FAM107A: variants seen among roughly 807,000 people sequenced by gnomAD.
FAM107A encodes actin-associated protein FAM107A.
FAM107A carries 19 observed loss-of-function variants against 13.7 expected under a neutral mutation model. That is an observed-to-expected ratio of 1.38 (90% confidence interval 0.97 to 2.03). The LOEUF (loss-of-function observed/expected upper bound fraction) is 2.03, where lower values mean the gene tolerates loss of function less well. Among genes scored for constraint, FAM107A ranks in the 30% most tolerant of loss-of-function variants. The pLI, the probability that FAM107A is intolerant of heterozygous loss-of-function variation, is 0.00. For missense variants in FAM107A, 203 were observed against 184.4 expected, an observed-to-expected ratio of 1.10 and a Z score of -0.58; for synonymous variants, 82 against 74.5, an observed-to-expected ratio of 1.10 and a Z score of -0.52.
intron 1 of FAM107A, among the ~76,000 whole-genome samples, chr3:58,610,129 G>A (rs111572668): frequency 2.6e-5 from 4 of 152,282 alleles, no homozygotes; most frequent in African/African-American, 9.6e-5. Flanking sequence ...CAGCACCAAT[G>A]ACAACCACTT....
At chr3:58,580,304 A>C (rs2065518432), upstream of FAM107A, among the ~76,000 whole-genome samples, 1 of 152,118 alleles carries the variant, frequency 6.6e-6, no homozygotes, top group African/African-American at 2.4e-5. Context: ...AGCAGAGGTC[A>C]ACTCTAGATC....
At chr3:58,605,833 G>A (rs73076214) in intron 1 of FAM107A, among the ~76,000 whole-genome samples, 17,047 of 152,156 alleles carry the variant, frequency 0.11, 1,013 homozygotes, top group East Asian at 0.16. Context: ...TTGCCAAAAA[G>A]GCACAGTAGT....
chr3:58,571,381 T>C (rs773666175), intron 1 of FAM107A, among the ~76,000 whole-genome samples: 11 of 152,224 alleles, frequency 7.2e-5, no homozygotes, highest in Non-Finnish European at 1.2e-4. Flanking sequence ...AGGATAGACA[T>C]GTTAATTTTT....
chr3:58,571,085 G>T (rs2063679077), intron 1 of FAM107A, among the ~76,000 whole-genome samples: 2 of 152,218 alleles, frequency 1.3e-5, no homozygotes, highest in African/African-American at 4.8e-5. Context: ...ACAGGGATGT[G>T]TGAAAACCTG....
At chr3:58,583,616 C>T (rs985302658) in intron 1 of FAM107A, among the ~76,000 whole-genome samples, 6 of 76,186 alleles carry the variant, frequency 7.9e-5, no homozygotes, top group Admixed American at 3.2e-4. Context: ...GAGCAAAACT[C>T]TGTCAAAAAA....
At chr3:58,602,164 A>T (rs2065758102) in intron 1 of FAM107A, among the ~76,000 whole-genome samples, 1 of 152,192 alleles carries the variant, frequency 6.6e-6, no homozygotes, top group Non-Finnish European at 1.5e-5. Flanking sequence ...TGACTGGACA[A>T]GGGCAGTTCT....
At position 58,604,711 on chromosome 3, in the gene FAM107A, T is replaced by C. The variant is rs949801269; in HGVS notation, c.-69-15442A>G. 1.3e-5 allele frequency among the ~76,000 whole-genome samples: 2 copies of C among 152,240 alleles called. No individual in the cohort carries two copies. Among genetic ancestry groups the C allele is most frequent in the African/African-American group, 4.8e-5 (2 of 41,466 alleles). ...ATAAGCAGCTGGCATTTGTTGGGCA[T>C]CTACTATGTGCTAAACACTGGACTA... On this transcript the variant is annotated intron_variant, in intron 1 of 3. Coordinates refer to the FAM107A transcript ENST00000465970. This position sits in a 1 kb window ranked among gnomAD's most constrained non-coding sequence, Gnocchi z 4.1.
intron 1 of FAM107A, among the ~76,000 whole-genome samples, chr3:58,595,407 A>G (rs1250870302): frequency 6.6e-6 from 1 of 152,174 alleles, no homozygotes; most frequent in Non-Finnish European, 1.5e-5. Flanking sequence ...ACATTCCACC[A>G]TTTGATTTGT....
Position 58,586,914 on chromosome 3 carries a change from C to T in FAM107A, c.23G>A (p.Trp8Ter). ...GGTGGCATCGGAGGGCCCCCGGGCCCACTCGCCCAGCCTCTGCGCCATGCC... is the reference window on the plus strand; with the variant it reads ...GGTGGCATCGGAGGGCCCCCGGGCCTACTCGCCCAGCCTCTGCGCCATGCC... Residue 8 changes from tryptophan (W) to a stop codon, truncating the protein, a stop_gained, in exon 1 of 4, where the codon TGG (tryptophan) becomes TAG (stop). Transcript: ENST00000447756. LOFTEE classifies it high-confidence loss of function. 1 of 1,532,932 alleles carries T rather than the reference C, an allele frequency of 6.5e-7. No homozygotes were observed. Among genetic ancestry groups the T allele is most frequent in the Non-Finnish European group, 8.7e-7 (1 of 1,145,790 alleles). 95.0% of individuals were successfully genotyped at this position (1,532,932 alleles called of 1,614,324 possible). A position where few individuals can be genotyped will look rare whatever the true frequency, so the allele number is the denominator to read the frequency against.
At chr3:58,601,873 G>A (rs1026455070) in intron 1 of FAM107A, among the ~76,000 whole-genome samples, 11 of 152,266 alleles carry the variant, frequency 7.2e-5, no homozygotes, top group South Asian at 6.2e-4. Flanking sequence ...TGATATTTTC[G>A]TTAAGCAGAT....
chr3:58,588,140 G>C (rs2065625653), upstream of FAM107A, among the ~76,000 whole-genome samples: 1 of 152,184 alleles, frequency 6.6e-6, no homozygotes, highest in Admixed American at 6.5e-5. Context: ...GAGGTGGCTT[G>C]CACAACCAAG....
intron 1 of FAM107A, among the ~76,000 whole-genome samples, chr3:58,609,416 C>T (rs1048928876): frequency 7.9e-5 from 12 of 152,104 alleles, no homozygotes; most frequent in Non-Finnish European, 1.2e-4. Flanking sequence ...ACCCCATTGC[C>T]CCTTCCTCAA....
chr3:58,592,656 C>A (rs1397221114), intron 1 of FAM107A, among the ~76,000 whole-genome samples: 1 of 152,258 alleles, frequency 6.6e-6, no homozygotes, highest in Non-Finnish European at 1.5e-5. Context: ...AAACTTCATA[C>A]CCCTTACCAT....
At chr3:58,577,741 G>A, upstream of FAM107A, 1 of 985,368 alleles carries the variant, frequency 1.0e-6, no homozygotes, top group Non-Finnish European at 1.2e-6. The surrounding 1 kb of genome is among the most constrained non-coding windows in gnomAD (Gnocchi z 4.9). Context: ...CCCATGGGAG[G>A]GGAAGCCAAG....
At chr3:58,611,085 C>A (rs1235617090) in intron 1 of FAM107A, among the ~76,000 whole-genome samples, 1 of 152,186 alleles carries the variant, frequency 6.6e-6, no homozygotes, top group Non-Finnish European at 1.5e-5. Context: ...TCCATGTCAC[C>A]TTGTGAAGAA....
upstream of FAM107A, chr3:58,577,430 A>G (rs745836449): frequency 8.3e-5 from 82 of 985,236 alleles, no homozygotes; most frequent in Non-Finnish European, 9.8e-5. This position sits in a 1 kb window ranked among gnomAD's most constrained non-coding sequence, Gnocchi z 4.9. Context: ...AACCCCTGGG[A>G]ACGGAGGCTG....
chr3:58,588,699 C>G (rs1049956921), upstream of FAM107A, among the ~76,000 whole-genome samples: 1 of 152,180 alleles, frequency 6.6e-6, no homozygotes, highest in East Asian at 1.9e-4. Context: ...TTTGATCAAG[C>G]TATGGTTCTT....
chr3:58,597,631 T>C (rs968852712), intron 1 of FAM107A, among the ~76,000 whole-genome samples: 1 of 152,214 alleles, frequency 6.6e-6, no homozygotes, highest in African/African-American at 2.4e-5. Flanking sequence ...AATTAATAAA[T>C]TATTAACTTA....
upstream of FAM107A, among the ~76,000 whole-genome samples, chr3:58,578,807 T>A (rs1265347788): frequency 2.6e-5 from 4 of 152,008 alleles, no homozygotes; most frequent in Non-Finnish European, 4.4e-5. Context: ...TCTCATGGAG[T>A]CTTGGTTGGC....
Sources: allele counts gnomAD v4.1 joint callset (sites outside exome capture counted in the v4.1 genomes callset), GRCh38; gene constraint gnomAD v4.1.1; non-coding constraint Gnocchi (gnomAD v3.1); transcripts MANE v1.5; gene names NCBI Gene and HGNC (gene_info 2026-07-23, HGNC 2026-07-21).